The following MPRIP variants were observed in gnomAD, a reference collection of about 807,000 sequenced individuals.
MPRIP encodes the protein myosin phosphatase Rho-interacting protein.
Under a neutral mutation model 234.9 loss-of-function variants are expected in MPRIP, and 59 were observed. That is an observed-to-expected ratio of 0.25 (90% CI 0.20 to 0.31). MPRIP has a LOEUF of 0.31. Ranked by LOEUF, MPRIP falls within the 10% of genes least tolerant of loss-of-function variation. The probability of loss-of-function intolerance (pLI) is 1.00; values close to 1 mark genes in which losing one functional copy is unlikely to be tolerated. For missense variants in MPRIP, 2,436 were observed against 3,071.0 expected, an observed-to-expected ratio of 0.79 and a Z score of 4.89; for synonymous variants, 1,144 against 1,263.9, an observed-to-expected ratio of 0.91 and a Z score of 2.01.
intron 3 of MPRIP, among the ~76,000 whole-genome samples, chr17:17,116,245 T>C (rs2090283585): frequency 6.6e-6 from 1 of 152,152 alleles, no homozygotes; most frequent in South Asian, 2.1e-4. Context: ...GGATGGGCCA[T>C]GGCCTCTGCA....
chr17:17,158,486 G>T lies in MPRIP; in HGVS notation c.1884G>T (p.Arg628Ser), dbSNP rs1188148172. The T allele has an allele frequency of 2.5e-6, 4 of 1,609,334 alleles. 1 individual carries two copies. The South Asian group carries it at 3.3e-5, about 13-fold the overall frequency. The change falls in exon 14 of 24, where the codon AGG (arginine) becomes AGT (serine). Residue 628 changes from arginine (R) to serine (S), a missense_variant. Transcript: ENST00000651222. ...GCTGCTCTTTTGAGACCTGCCCGAG[G>T]CCTACTGAGAAGCAAGAGGCAGAGC... ...KSSCSFETCP[R>S]PTEKQEAELG...
At chr17:17,136,082 C>A in intron 5 of MPRIP, 137 bp from the exon 6 acceptor site, 1 of 818,454 alleles carries the variant, frequency 1.2e-6, no homozygotes, top group Non-Finnish European at 2.0e-6. Flanking sequence ...TGTTTTGGGG[C>A]AGTATCTGAA....
intron 3 of MPRIP, among the ~76,000 whole-genome samples, chr17:17,091,436 C>T (rs1419646289): frequency 2.0e-5 from 3 of 152,114 alleles, no homozygotes; most frequent in Admixed American, 6.5e-5. Flanking sequence ...CCTCCCTGCC[C>T]GGATTGGTGT....
chr17:17,177,720 C>T (rs2046286605), intron 22 of MPRIP, among the ~76,000 whole-genome samples: 1 of 152,158 alleles, frequency 6.6e-6, no homozygotes, highest in Admixed American at 6.5e-5. Context: ...GTAGCTCTCA[C>T]TAGCTGCTTG....
At chr17:17,183,521 CAGTGAGTTTTAAAATGCTT>C (rs532337971) in intron 23 of MPRIP, among the ~76,000 whole-genome samples, 52 of 152,336 alleles carry the variant, frequency 3.4e-4, no homozygotes, top group Admixed American at 2.2e-3. Context: ...CGGCCTGGAC[CAGTGAGTTTTAAAATGCTT>C]AGCAGCAGAA....
Position 17,138,206 on chromosome 17 carries a change from T to TCC in MPRIP, c.1027_1028insCC (p.Tyr343SerfsTer80). 1 of 800,720 alleles carries TCC rather than the reference T, an allele frequency of 1.2e-6. No homozygotes were observed. The highest frequency in any genetic ancestry group is 1.9e-6 in the Non-Finnish European group (1 of 523,708). 49.6% of individuals were successfully genotyped at this position (800,720 alleles called of 1,614,324 possible). A position where few individuals can be genotyped will look rare whatever the true frequency, so the allele number is the denominator to read the frequency against. On this transcript the variant is annotated frameshift_variant, in exon 7 of 24. Transcript: ENST00000651222. LOFTEE classifies it high-confidence loss of function. This position sits in a 1 kb window ranked among gnomAD's most constrained non-coding sequence, Gnocchi z 5.8. The stretch of plus-strand genomic sequence containing the variant: ...GGATGTGGCCAGCCAGCCACCTGCC[T>TCC]ACGTGGACTCTGGCAGCACTAGGGG...
chr17:17,180,737 T>A, intron 23 of MPRIP: 1 of 1,451,106 alleles, frequency 6.9e-7, no homozygotes. Flanking sequence ...GTGTCATGGT[T>A]ACTTTATTTC....
At position 17,173,927 on chromosome 17, in the gene MPRIP, A is replaced by G. The variant is rs1249197507; in HGVS notation, c.6602A>G (p.Gln2201Arg). 6.2e-7 allele frequency: 1 copy of G among 1,613,514 alleles called. No homozygotes were observed. The highest frequency in any genetic ancestry group is 1.7e-5 in the Admixed American group (1 of 60,018). Reference protein sequence around the residue: ...ALRRQYLEELQSVQRELEVLS... With the variant: ...ALRRQYLEELRSVQRELEVLS... ...TGCCCTCTCCCCAGGGAGGAGCTGCAGTCGGTGCAGCGGGAACTGGAGGTC... is the reference window on the plus strand; with the variant it reads ...TGCCCTCTCCCCAGGGAGGAGCTGCGGTCGGTGCAGCGGGAACTGGAGGTC... The change falls in exon 19 of 24, where the codon CAG becomes CGG. Residue 2201 changes from glutamine to arginine, a missense_variant. This residue lies in a region of MPRIP where 1,998 missense variants were observed against 2,520.3 expected (regional missense o/e 0.79). Transcript: ENST00000651222.
intron 7 of MPRIP, among the ~76,000 whole-genome samples, chr17:17,139,795 A>G (rs560560733): frequency 6.6e-6 from 1 of 152,336 alleles, no homozygotes; most frequent in Admixed American, 6.5e-5. Context: ...GGAAAATGAC[A>G]CGTTGACTTC....
chr17:17,109,512 A>T (rs1249862075), intron 3 of MPRIP, among the ~76,000 whole-genome samples: 3 of 152,224 alleles, frequency 2.0e-5, no homozygotes, highest in African/African-American at 7.2e-5. Flanking sequence ...TGATCCACGG[A>T]GGTGCTAGTG....
Position 17,177,332 on chromosome 17 carries a change from G to T in MPRIP, c.7040G>T (p.Ser2347Ile). 1 of 1,613,996 alleles carries T rather than the reference G, an allele frequency of 6.2e-7. No homozygotes were observed. The highest frequency in any genetic ancestry group is 8.5e-7 in the Non-Finnish European group (1 of 1,180,042). ...AAGGCTAAGGCTGACTGTGACATCA[G>T]CAGGTTGAAGGAGCAGCTCAAGGCT... is the stretch of plus-strand genomic sequence containing the variant. ...IAKAKADCDI[S>I]RLKEQLKAAT... Residue 2347 changes from serine (S) to isoleucine (I), a missense_variant, in exon 22 of 24, where the codon AGC becomes ATC. By Grantham distance (142) the Ser-to-Ile change is moderately radical. Transcript: ENST00000651222.
At chr17:17,150,428 G>A (rs1327572927) in intron 12 of MPRIP, among the ~76,000 whole-genome samples, 195 bp downstream of exon 12, 1 of 152,192 alleles carries the variant, frequency 6.6e-6, no homozygotes, top group African/African-American at 2.4e-5. Context: ...GATGTGAACA[G>A]TACATTAGAC....
At chr17:17,150,322 G>A (rs879636507) in intron 12 of MPRIP, 89 bp downstream of exon 12, 68 of 940,912 alleles carry the variant, frequency 7.2e-5, no homozygotes, top group Non-Finnish European at 1.1e-4. Context: ...GGCACTTCTG[G>A]ACAGGCCTGA....
In MPRIP at chr17:17,104,265, C is replaced by T. The variant is rs372502819; in HGVS notation, c.268-22437C>T. ...CCTGCACCATCTAACATGGTGCCAGCGCTCCTGATGTGTGGACGTGAGTGT... is the reference window on the plus strand; with the variant it reads ...CCTGCACCATCTAACATGGTGCCAGTGCTCCTGATGTGTGGACGTGAGTGT... On this transcript the variant is annotated intron_variant, in intron 3 of 23. Transcript: ENST00000651222. Among the ~76,000 whole-genome samples the T allele has an allele frequency of 9.2e-5, 14 of 152,312 alleles. No homozygotes were observed. The South Asian group carries it at 2.5e-3, about 27-fold the overall frequency.
chr17:17,056,699 T>C (rs958604912), intron 1 of MPRIP, among the ~76,000 whole-genome samples: 4 of 152,148 alleles, frequency 2.6e-5, no homozygotes, highest in Non-Finnish European at 4.4e-5. Flanking sequence ...CCTACAGTAT[T>C]GTACAACTGC....
At chr17:17,137,874 A>G in intron 6 of MPRIP, 42 bp from the exon 7 acceptor site, 1 of 1,511,848 alleles carries the variant, frequency 6.6e-7, no homozygotes, top group Non-Finnish European at 8.8e-7. Context: ...CAAAGCTGCC[A>G]GCAGGCTGAG....
chr17:17,080,631 T>C (rs1372587016), intron 3 of MPRIP, among the ~76,000 whole-genome samples: 1 of 152,196 alleles, frequency 6.6e-6, no homozygotes, highest in Admixed American at 6.5e-5. Flanking sequence ...AGGCCAGGGA[T>C]GCTACTGAAT....
rs573427184 is a variant in MPRIP at position 17,126,803 on chromosome 17, G to T, written c.369G>T (p.Thr123=). 6.2e-7 allele frequency: 1 copy of T among 1,614,216 alleles called. No individual in the cohort carries two copies. The highest frequency in any genetic ancestry group is 1.1e-5 in the South Asian group (1 of 91,084). ...AGAAGTTCTCCCTGTGTATTCTGAC[G>T]CCTGAGAAGGAGCATTTCATCCGGG... ...TGQKFSLCIL[T]PEKEHFIRAE... The change falls in exon 4 of 24, where the codon ACG becomes ACT. Residue 123 remains threonine (T), a synonymous_variant. Coordinates refer to ENST00000651222, the MANE Select transcript of MPRIP (RefSeq NM_001364716.4).
chr17:17,091,297 T>C (rs1403164169), intron 3 of MPRIP, among the ~76,000 whole-genome samples: 1 of 152,018 alleles, frequency 6.6e-6, no homozygotes, highest in East Asian at 1.9e-4. Context: ...GGAGGGTCTT[T>C]GGGGACATCA....
Sources: allele counts gnomAD v4.1 joint callset (sites outside exome capture counted in the v4.1 genomes callset), GRCh38; gene constraint gnomAD v4.1.1; regional missense constraint gnomAD v4.1.1; non-coding constraint Gnocchi (gnomAD v3.1); transcripts MANE v1.5; gene names NCBI Gene and HGNC (gene_info 2026-07-23, HGNC 2026-07-21).